Variants in CDH13 observed in about 807,000 individuals in gnomAD.
CDH13 encodes cadherin-13.
Under a neutral mutation model 63.8 loss-of-function variants are expected in CDH13, and 24 were observed. The observed-to-expected ratio is 0.38, with a 90% CI of 0.27 to 0.53. The LOEUF (loss-of-function observed/expected upper bound fraction) is 0.53. Among genes scored for constraint, CDH13 ranks in the 20% least tolerant of loss-of-function variants. The pLI is 0.85. For missense variants in CDH13, 1,049 were observed against 903.1 expected (o/e 1.16, Z -2.07); for synonymous variants, 503 against 355.3 (o/e 1.42, Z -4.67).
intron 5 of CDH13, among the ~76,000 whole-genome samples, chr16:83,255,509 C>G (rs1359760364): frequency 6.6e-6 from 1 of 152,148 alleles, no homozygotes; most frequent in African/African-American, 2.4e-5. Flanking sequence ...CCATGATGTC[C>G]AGTAAAGAAT....
chr16:83,580,877 A>G (rs1289963086), intron 7 of CDH13, among the ~76,000 whole-genome samples: 1 of 152,180 alleles, frequency 6.6e-6, no homozygotes, highest in Non-Finnish European at 1.5e-5. Context: ...TTGTAAGTAG[A>G]AAGTTGAGAA....
At chr16:82,709,964 A>T (rs74893171) in intron 1 of CDH13, among the ~76,000 whole-genome samples, 10,071 of 152,056 alleles carry the variant, frequency 0.066, 387 homozygotes, top group Middle Eastern at 0.085. Context: ...TACATAAGGG[A>T]TGTCCCAAAG....
chr16:83,244,304 C>G (rs933860966), intron 5 of CDH13, among the ~76,000 whole-genome samples: 1 of 152,188 alleles, frequency 6.6e-6, no homozygotes, highest in South Asian at 2.1e-4. Flanking sequence ...ATTTATTTAA[C>G]AAACATCTAG....
chr16:83,197,661 C>T (rs1277930142), intron 4 of CDH13, among the ~76,000 whole-genome samples: 1 of 152,096 alleles, frequency 6.6e-6, no homozygotes, highest in Non-Finnish European at 1.5e-5. Context: ...TGTGAAATGA[C>T]AACACGAAGG....
chr16:83,314,069 C>G (rs878952378), intron 5 of CDH13, among the ~76,000 whole-genome samples: 1 of 152,190 alleles, frequency 6.6e-6, no homozygotes, highest in Admixed American at 6.5e-5. Flanking sequence ...TACCTGCTGT[C>G]AAATCTCATT....
At chr16:82,959,701 C>T (rs541696618) in intron 2 of CDH13, among the ~76,000 whole-genome samples, 1 of 152,318 alleles carries the variant, frequency 6.6e-6, no homozygotes, top group African/African-American at 2.4e-5. Context: ...ATTCCACCTG[C>T]ATAGGTTCTG....
intron 5 of CDH13, among the ~76,000 whole-genome samples, chr16:83,254,955 CTTT>C (rs1567542205): frequency 0.025 from 67 of 2,676 alleles, no homozygotes; most frequent in South Asian, 0.038. Context: ...TTTTCTCTTT[CTTT>C]CTTTCTTTCT....
intron 5 of CDH13, among the ~76,000 whole-genome samples, chr16:83,287,969 A>T (rs1161017250): frequency 6.6e-6 from 1 of 152,150 alleles, no homozygotes; most frequent in East Asian, 1.9e-4. Context: ...AAATATGAAC[A>T]TGTTTTAAAA....
intron 1 of CDH13, among the ~76,000 whole-genome samples, chr16:82,661,131 C>A (rs553605349): frequency 2.6e-5 from 4 of 152,266 alleles, no homozygotes; most frequent in African/African-American, 9.6e-5. Flanking sequence ...TACAGCTGTC[C>A]GTTTCCTTTG....
At chr16:83,719,713 A>G (rs1909427357) in intron 10 of CDH13, among the ~76,000 whole-genome samples, 1 of 152,172 alleles carries the variant, frequency 6.6e-6, no homozygotes, top group Non-Finnish European at 1.5e-5. Flanking sequence ...GTGGCATACC[A>G]TGTTCTGTGC....
chr16:82,852,379 C>G (rs2039526646), intron 1 of CDH13, among the ~76,000 whole-genome samples: 1 of 152,198 alleles, frequency 6.6e-6, no homozygotes, highest in African/African-American at 2.4e-5. Flanking sequence ...GAGTAACTGT[C>G]TTCTGTGCAA....
intron 2 of CDH13, among the ~76,000 whole-genome samples, chr16:82,961,125 A>T (rs1332120265): frequency 2.0e-5 from 3 of 152,190 alleles, no homozygotes; most frequent in African/African-American, 7.2e-5. Context: ...TGGCGCCAGC[A>T]CGGAGCAGCT....
chr16:83,452,726 G>A (rs188434845), intron 6 of CDH13, among the ~76,000 whole-genome samples: 1 of 152,322 alleles, frequency 6.6e-6, no homozygotes, highest in Admixed American at 6.5e-5. Flanking sequence ...AATGCAGTGT[G>A]ATGAGGAACA....
intron 6 of CDH13, among the ~76,000 whole-genome samples, chr16:83,486,003 C>T (rs566102544): frequency 1.3e-5 from 2 of 152,222 alleles, no homozygotes; most frequent in Admixed American, 6.5e-5. Flanking sequence ...ATTAACTGGG[C>T]GTGATGACAC....
At chr16:82,670,919 C>A (rs985269268) in intron 1 of CDH13, among the ~76,000 whole-genome samples, 1 of 152,186 alleles carries the variant, frequency 6.6e-6, no homozygotes, top group African/African-American at 2.4e-5. Flanking sequence ...GGTGCAGTAT[C>A]ACCGAGGCTT....
At chr16:83,561,454 CAAGGGAGGCT>C (rs2075707632) in intron 7 of CDH13, among the ~76,000 whole-genome samples, 3 of 146,844 alleles carry the variant, frequency 2.0e-5, no homozygotes. Context: ...AAACTTCAAG[CAAGGGAGGCT>C]ATGCTATCAA....
intron 1 of CDH13, among the ~76,000 whole-genome samples, chr16:82,630,802 AT>A (rs1172745816): frequency 1.3e-5 from 2 of 152,210 alleles, no homozygotes; most frequent in Non-Finnish European, 2.9e-5. Context: ...CAGTCATATC[AT>A]CTACGTAGCC....
intron 6 of CDH13, 116 bp downstream of exon 6, chr16:83,345,122 C>G: frequency 2.6e-6 from 3 of 1,161,384 alleles, no homozygotes; most frequent in South Asian, 1.7e-5. Flanking sequence ...GTATCAGCGT[C>G]GACTTAATAC....
At chr16:83,419,346 T>C (rs1050194131) in intron 6 of CDH13, among the ~76,000 whole-genome samples, 1 of 152,194 alleles carries the variant, frequency 6.6e-6, no homozygotes, top group Non-Finnish European at 1.5e-5. Context: ...GCCACACATA[T>C]AAGACATCAG....
Sources: gnomAD v4.1 joint callset for allele counts (sites outside exome capture counted in the v4.1 genomes callset) on GRCh38, gnomAD v4.1.1 for gene constraint, MANE v1.5 for transcripts, NCBI Gene and HGNC (gene_info 2026-07-23, HGNC 2026-07-21) for gene names.